Variants in ERC2 observed in about 807,000 individuals in gnomAD.
The protein encoded by ERC2 is ERC protein 2.
Under a neutral mutation model 114.8 loss-of-function variants are expected in ERC2, and 42 were observed. The ratio of observed to expected loss-of-function variants is 0.37; its 90% CI spans 0.29 to 0.47. The LOEUF is 0.47. Among genes scored for constraint, ERC2 ranks in the 20% least tolerant of loss-of-function variants. The pLI is 0.99. For missense variants in ERC2, 939 were observed against 1,150.7 expected (o/e 0.82, Z 2.66); for synonymous variants, 454 against 425.5 (o/e 1.07, Z -0.82).
intron 4 of ERC2, among the ~76,000 whole-genome samples, chr3:56,163,240 T>C (rs2082148209): frequency 1.3e-5 from 2 of 152,258 alleles, no homozygotes; most frequent in African/African-American, 4.8e-5. Flanking sequence ...ATGGTTACTA[T>C]GATTTCAATT....
At chr3:55,909,218 A>G (rs944626211) in intron 13 of ERC2, among the ~76,000 whole-genome samples, 1 of 152,148 alleles carries the variant, frequency 6.6e-6, no homozygotes, top group African/African-American at 2.4e-5. Flanking sequence ...TCGGTGCTGC[A>G]CTTCTTTCAC....
intron 2 of ERC2, among the ~76,000 whole-genome samples, chr3:56,425,400 C>T (rs567247321): frequency 6.6e-6 from 1 of 152,230 alleles, no homozygotes; most frequent in African/African-American, 2.4e-5. Flanking sequence ...GAGGGTCACA[C>T]ATAGACAGAG....
chr3:55,599,591 T>C (rs891042338), intron 17 of ERC2, among the ~76,000 whole-genome samples: 5 of 152,212 alleles, frequency 3.3e-5, no homozygotes, highest in African/African-American at 1.2e-4. Context: ...AGATAAGTCA[T>C]GGAAAATGTA....
chr3:56,418,012 G>A (rs570967965), intron 2 of ERC2, among the ~76,000 whole-genome samples: 46 of 152,198 alleles, frequency 3.0e-4, no homozygotes, highest in African/African-American at 1.1e-3. Context: ...AAGGGGCCGG[G>A]GCAGTGGCTC....
intron 13 of ERC2, among the ~76,000 whole-genome samples, chr3:55,904,710 G>C (rs148250424): frequency 7.2e-5 from 11 of 152,160 alleles, no homozygotes; most frequent in Non-Finnish European, 1.6e-4. Context: ...GAAAGCGTCT[G>C]GGGGGAAACA....
At chr3:56,352,818 T>A (rs2058602320) in intron 2 of ERC2, among the ~76,000 whole-genome samples, 1 of 152,162 alleles carries the variant, frequency 6.6e-6, no homozygotes, top group African/African-American at 2.4e-5. Flanking sequence ...AGGGCCCTAG[T>A]TTCTTGCTTG....
rs1437803868 is a variant in ERC2 at position 56,007,339 on chromosome 3, T to C, written c.1921-18A>G. ...AAACTAGACTGAAAGAGAAAGAATG[T>C]GAGTGAGTAAAACACTGAAATTTCT... is the stretch of plus-strand genomic sequence containing the variant. On this transcript the variant is annotated intron_variant, in intron 9 of 17. Transcript: ENST00000288221. 6.3e-7 allele frequency: 1 copy of C among 1,586,592 alleles called. No individual in the cohort carries two copies. Among genetic ancestry groups the C allele is most frequent in the African/African-American group, 1.3e-5 (1 of 74,476 alleles).
rs1327636059 is a variant in ERC2, at chr3:55,633,679, CTG to C, written c.*39+50113_*39+50114del. ...CTATTTGCAAACACTGGCCTAGACT[CTG>C]GAGCTGCAGCAGTGAGGATAATGGG... On this transcript the variant is annotated intron_variant, in intron 17 of 17. Transcript: ENST00000288221. 4.6e-5 allele frequency among the ~76,000 whole-genome samples: 7 copies of C among 152,336 alleles called. No individual in the cohort carries two copies. In the South Asian group the frequency reaches 1.2e-3, roughly 27 times the overall value.
chr3:55,576,666 G>A (rs1415196269), intron 17 of ERC2, among the ~76,000 whole-genome samples: 10 of 152,224 alleles, frequency 6.6e-5, no homozygotes, highest in Admixed American at 2.6e-4. Context: ...AAGCAGCTGC[G>A]GAGGAAACCC....
Position 55,989,040 on chromosome 3 carries a change from C to T in ERC2, c.2255+3017G>A, listed in dbSNP as rs2070852282. Among the ~76,000 whole-genome samples the T allele has an allele frequency of 2.6e-5, 4 of 152,298 alleles. No homozygotes were observed. The South Asian group carries it at 8.3e-4, about 32-fold the overall frequency. On this transcript the variant is annotated intron_variant, in intron 11 of 17. Transcript: ENST00000288221. ...ATCTCCACCCCCACCTCCTTAGGGG[C>T]CTGGGCTGGGGCTGAAGCTCAGACA... is the stretch of plus-strand genomic sequence containing the variant.
At chr3:55,522,158 CAG>C (rs1164675637) in intron 17 of ERC2, among the ~76,000 whole-genome samples, 2 of 152,194 alleles carry the variant, frequency 1.3e-5, no homozygotes, top group Non-Finnish European at 2.9e-5. Context: ...ACCACCAATT[CAG>C]AGTTTCCCCG....
At position 56,408,675 on chromosome 3, in the gene ERC2, G is replaced by A. The variant is rs150077775; in HGVS notation, c.657+25676C>T. 4.2e-3 allele frequency among the ~76,000 whole-genome samples: 646 copies of A among 152,256 alleles called. 3 individuals carry two copies. Among genetic ancestry groups the A allele is most frequent in the African/African-American group, 0.014 (598 of 41,522 alleles). On this transcript the variant is annotated intron_variant, in intron 2 of 17. Transcript: ENST00000288221. ...ATCTATTATTAGACAGACAACAGAC[G>A]AATAAGCAAAGACATTGCAATAAGT...
At chr3:56,283,703 G>A (rs1179323087) in intron 3 of ERC2, among the ~76,000 whole-genome samples, 1 of 152,220 alleles carries the variant, frequency 6.6e-6, no homozygotes, top group Non-Finnish European at 1.5e-5. Context: ...TAGTGAGGGA[G>A]CTCTTAATTC....
chr3:56,311,253 C>CTATATA (rs1419051347), intron 2 of ERC2, among the ~76,000 whole-genome samples: 1 of 43,528 alleles, frequency 2.3e-5, no homozygotes, highest in Non-Finnish European at 5.1e-5. Context: ...CTCTCTCTCT[C>CTATATA]TCTATATATA....
chr3:56,429,497 A>G (rs1478648567), intron 2 of ERC2, among the ~76,000 whole-genome samples: 2 of 152,152 alleles, frequency 1.3e-5, no homozygotes, highest in Admixed American at 6.5e-5. Flanking sequence ...AATTTAAGAA[A>G]ATATATCATG....
At chr3:56,020,696 G>A (rs1200334252) in intron 7 of ERC2, among the ~76,000 whole-genome samples, 1 of 152,130 alleles carries the variant, frequency 6.6e-6, no homozygotes, top group Non-Finnish European at 1.5e-5. Context: ...ACACATGTAC[G>A]CAAATCCACC....
At chr3:55,942,343 C>T (rs1330281338) in intron 13 of ERC2, among the ~76,000 whole-genome samples, 2 of 115,082 alleles carry the variant, frequency 1.7e-5, no homozygotes, top group Non-Finnish European at 3.3e-5. Context: ...GGCTGGAGTG[C>T]AGTGGCGGGA....
At chr3:56,219,157 A>C (rs1207671118) in intron 3 of ERC2, among the ~76,000 whole-genome samples, 1 of 152,164 alleles carries the variant, frequency 6.6e-6, no homozygotes, top group African/African-American at 2.4e-5. Flanking sequence ...AAATTGTAAA[A>C]AAAGACTACA....
chr3:56,139,010 T>C (rs986453284), intron 6 of ERC2, among the ~76,000 whole-genome samples: 5 of 152,154 alleles, frequency 3.3e-5, no homozygotes, highest in Admixed American at 2.6e-4. Context: ...TTTGGAAACA[T>C]GGGTGCCAGA....
Sources: gnomAD v4.1 joint callset for allele counts (sites outside exome capture counted in the v4.1 genomes callset) on GRCh38, gnomAD v4.1.1 for gene constraint, MANE v1.5 for transcripts, NCBI Gene and HGNC (gene_info 2026-07-23, HGNC 2026-07-21) for gene names.